The following BANK1 variants were observed in gnomAD, a reference collection of about 807,000 sequenced individuals.
The protein encoded by BANK1 is B-cell scaffold protein with ankyrin repeats.
A neutral mutation model predicts 94.5 loss-of-function variants in BANK1; 95 were observed. That is an observed-to-expected ratio of 1.00 (90% CI 0.85 to 1.19). BANK1 has a LOEUF of 1.19. BANK1 is among the 50% of genes most tolerant of loss of function. The pLI, the probability that BANK1 is intolerant of heterozygous loss-of-function variation, is 0.00. For synonymous variants in BANK1, 334 were observed against 308.4 expected (o/e 1.08, Z -0.87); for missense variants, 987 against 932.2 (o/e 1.06, Z -0.77).
intron 1 of BANK1, among the ~76,000 whole-genome samples, chr4:101,811,787 T>G (rs1317718631): frequency 6.6e-6 from 1 of 152,116 alleles, no homozygotes; most frequent in Non-Finnish European, 1.5e-5. Context: ...TACTTTTACA[T>G]GAACCCTGGG....
chr4:101,867,492 A>G (rs150922157), intron 4 of BANK1, among the ~76,000 whole-genome samples: 5 of 152,124 alleles, frequency 3.3e-5, no homozygotes, highest in African/African-American at 1.2e-4. Context: ...GAATAAATGA[A>G]TGAAGGTAAA....
intron 7 of BANK1, among the ~76,000 whole-genome samples, chr4:102,005,497 T>G (rs1373915183): frequency 6.6e-6 from 1 of 152,046 alleles, no homozygotes; most frequent in Admixed American, 6.6e-5. Flanking sequence ...AACTTTATAC[T>G]TCACAGTTGG....
chr4:102,000,190 G>A (rs545783796), intron 7 of BANK1, among the ~76,000 whole-genome samples: 30 of 152,122 alleles, frequency 2.0e-4, no homozygotes, highest in African/African-American at 6.3e-4. Flanking sequence ...AGGCATGGTA[G>A]CTCACACCTG....
intron 11 of BANK1, among the ~76,000 whole-genome samples, chr4:102,049,041 C>T (rs546469713): frequency 6.6e-6 from 1 of 152,278 alleles, no homozygotes; most frequent in Non-Finnish European, 1.5e-5. Context: ...CAGAAAACTG[C>T]ATTTGCCAGT....
intron 3 of BANK1, among the ~76,000 whole-genome samples, chr4:101,858,019 C>T (rs1248833723): frequency 6.6e-6 from 1 of 152,150 alleles, no homozygotes; most frequent in African/African-American, 2.4e-5. Context: ...TTCAAACGAA[C>T]CTCATCCAAT....
At chr4:102,034,562 C>T (rs1200388085) in intron 10 of BANK1, among the ~76,000 whole-genome samples, 2 of 152,088 alleles carry the variant, frequency 1.3e-5, no homozygotes, top group African/African-American at 4.8e-5. Context: ...TTCTTGGATT[C>T]TGGTGGAATC....
At chr4:102,068,345 G>A (rs1326070034) in intron 13 of BANK1, among the ~76,000 whole-genome samples, 1 of 151,776 alleles carries the variant, frequency 6.6e-6, no homozygotes, top group East Asian at 1.9e-4. Flanking sequence ...TCAGAAATCA[G>A]TAAAAAAGGA....
intron 11 of BANK1, among the ~76,000 whole-genome samples, chr4:102,045,517 C>T (rs900325476): frequency 5.9e-5 from 9 of 151,956 alleles, no homozygotes; most frequent in South Asian, 2.1e-4. Flanking sequence ...TGTTTGCAGA[C>T]GACATGATTG....
intron 7 of BANK1, among the ~76,000 whole-genome samples, chr4:101,930,049 T>A (rs1045121018): frequency 6.6e-6 from 1 of 151,356 alleles, no homozygotes; most frequent in African/African-American, 2.4e-5. Flanking sequence ...AAATCTAGAA[T>A]GTTTCCTTTA....
intron 7 of BANK1, among the ~76,000 whole-genome samples, chr4:101,921,664 C>T (rs1406613316): frequency 6.6e-6 from 1 of 152,012 alleles, no homozygotes; most frequent in African/African-American, 2.4e-5. Context: ...ACATTCTCCT[C>T]GTTGGCCAGC....
chr4:101,981,439 A>G (rs1256463632), intron 7 of BANK1, among the ~76,000 whole-genome samples: 1 of 151,948 alleles, frequency 6.6e-6, no homozygotes, highest in East Asian at 1.9e-4. Context: ...GTCATGATAT[A>G]TTTTTCTCGT....
intron 2 of BANK1, among the ~76,000 whole-genome samples, chr4:101,847,592 A>G (rs1727297170): frequency 6.6e-6 from 1 of 152,032 alleles, no homozygotes; most frequent in African/African-American, 2.4e-5. Flanking sequence ...CTCGCAGCTT[A>G]GCTCCCAGAT....
intron 13 of BANK1, among the ~76,000 whole-genome samples, chr4:102,070,680 G>A (rs1361907717): frequency 1.3e-5 from 2 of 152,120 alleles, no homozygotes; most frequent in Non-Finnish European, 2.9e-5. Flanking sequence ...CCTAATGGTC[G>A]CCTGACATTC....
intron 10 of BANK1, 115 bp from the exon 11 acceptor site, chr4:102,043,724 A>T: frequency 1.7e-6 from 1 of 584,200 alleles, no homozygotes; most frequent in Non-Finnish European, 3.1e-6. Context: ...AATACAATTC[A>T]GGAACTGATA....
intron 7 of BANK1, among the ~76,000 whole-genome samples, chr4:101,961,871 G>T (rs1490901817): frequency 6.6e-6 from 1 of 152,124 alleles, no homozygotes; most frequent in Non-Finnish European, 1.5e-5. Flanking sequence ...ACCCTGCTAA[G>T]TGTTATATTG....
In BANK1 at chr4:101,966,066, C is replaced by T. The variant is rs555749315; in HGVS notation, c.1206+47877C>T. Among the ~76,000 whole-genome samples, 11 of 152,174 alleles carry T rather than the reference C, an allele frequency of 7.2e-5. No individual in the cohort carries two copies. The South Asian group carries it at 2.3e-3, about 32-fold the overall frequency. ...TCCTAACATAAGGTTACTGTTCTTA[C>T]TCATTTGTTCTTCTGTTCTATTAGA... On this transcript the variant is annotated intron_variant, in intron 7 of 16. Transcript: ENST00000322953.
intron 7 of BANK1, among the ~76,000 whole-genome samples, chr4:101,932,543 C>T (rs1344957628): frequency 6.6e-6 from 1 of 151,462 alleles, no homozygotes; most frequent in African/African-American, 2.4e-5. Context: ...TTGCTAGAGA[C>T]AGCTATCACC....
intron 6 of BANK1, among the ~76,000 whole-genome samples, chr4:101,907,145 AC>A (rs1215853690): frequency 6.6e-6 from 1 of 152,230 alleles, no homozygotes; most frequent in African/African-American, 2.4e-5. Context: ...TCCTTAAGGC[AC>A]AGATCACTCA....
At chr4:101,995,789 GTTGT>G (rs1725857843) in intron 7 of BANK1, among the ~76,000 whole-genome samples, 2 of 152,050 alleles carry the variant, frequency 1.3e-5, no homozygotes, top group African/African-American at 4.8e-5. Flanking sequence ...TTTTGATGGG[GTTGT>G]TTGTTTCATT....
Sources: allele counts gnomAD v4.1 joint callset (sites outside exome capture counted in the v4.1 genomes callset), GRCh38; gene constraint gnomAD v4.1.1; transcripts MANE v1.5; gene names NCBI Gene and HGNC (gene_info 2026-07-23, HGNC 2026-07-21).